Variants in KCNK12 observed in about 807,000 individuals in gnomAD.
KCNK12 encodes the protein potassium channel subfamily K member 12.
A neutral mutation model predicts 25.3 loss-of-function variants in KCNK12; 6 were observed. That is an observed-to-expected ratio of 0.24 (90% CI 0.13 to 0.47). The LOEUF is 0.47. Ranked by LOEUF, KCNK12 falls within the 20% of genes least tolerant of loss-of-function variation. The probability of loss-of-function intolerance (pLI) is 0.99; values close to 1 mark genes in which losing one functional copy is unlikely to be tolerated. For missense variants in KCNK12, 444 were observed against 661.7 expected (o/e 0.67, Z 3.61); for synonymous variants, 331 against 311.1 (o/e 1.06, Z -0.67).
In KCNK12 at chr2:47,540,800, AGCAAGCTGGGCATGGTGGCTC is replaced by A. The variant is rs770263404; in HGVS notation, c.392-19013_392-18993del. Among the ~76,000 whole-genome samples, 1 of 111,900 alleles carries A rather than the reference AGCAAGCTGGGCATGGTGGCTC, an allele frequency of 8.9e-6. No individual in the cohort carries two copies. Among genetic ancestry groups the A allele is most frequent in the Non-Finnish European group, 1.8e-5 (1 of 56,500 alleles). 73.4% of individuals were successfully genotyped at this position (111,900 alleles called of 152,430 possible). ...ACAAACAAACAAACAAACAAACAAA[AGCAAGCTGGGCATGGTGGCTC>A]ACACCTGTAGTTCCAGCTACTCAGG... On this transcript the variant is annotated intron_variant, in intron 1 of 1. Transcript: ENST00000327876. This position sits in a 1 kb window ranked among gnomAD's most constrained non-coding sequence, Gnocchi z 5.4.
Position 47,510,456 on chromosome 2 carries a change from G to A in KCNK12, c.*10451C>T, listed in dbSNP as rs1228704170. 1 of 152,158 alleles carries A rather than the reference G, an allele frequency of 6.6e-6. No homozygotes were observed. Among genetic ancestry groups the A allele is most frequent in the African/African-American group, 2.4e-5 (1 of 41,430 alleles). The allele number at this position is 152,158 out of a possible 1,614,324, so 9.4% of individuals were successfully genotyped here. A position where few individuals can be genotyped will look rare whatever the true frequency, so the allele number is the denominator to read the frequency against. ...TGGCAGTTCCACTAGACTGCATGGA[G>A]ATGGGTGGAGTTATCTAAAAGAACA... is the stretch of plus-strand genomic sequence containing the variant. On this transcript the variant is annotated 3_prime_UTR_variant, in exon 2 of 2. Transcript: ENST00000327876.
At chr2:47,537,412 C>T (rs538678377) in intron 1 of KCNK12, among the ~76,000 whole-genome samples, 55 of 151,946 alleles carry the variant, frequency 3.6e-4, no homozygotes, top group Admixed American at 2.5e-3. Flanking sequence ...CTCTCTGCAA[C>T]CTCCGCCTCC....
Position 47,553,414 on chromosome 2 carries a change from T to TG in KCNK12, c.391+16526dup, listed in dbSNP as rs1237718496. On this transcript the variant is annotated intron_variant, in intron 1 of 1. Coordinates refer to ENST00000327876, the MANE Select transcript of KCNK12 (RefSeq NM_022055.2). ...ATATAAGCTGTTTTTTTTGGTGGGG[T>TG]GGGGGGGCACCCAGGATCTCACTCT... is the stretch of plus-strand genomic sequence containing the variant. 7.9e-5 allele frequency among the ~76,000 whole-genome samples: 12 copies of TG among 151,924 alleles called. No individual in the cohort carries two copies. In the East Asian group the frequency reaches 1.2e-3, roughly 15 times the overall value.
In KCNK12 at chr2:47,521,552, C is replaced by T; in HGVS notation, c.648G>A (p.Val216=). The part of the protein sequence containing the change: ...LAGWKPSVYH[V]LLILGLFAVL... ...CGGCGAACAGGCCCAGGATGAGCAG[C>T]ACGTGGTACACCGAGGGCTTCCAGC... Residue 216 remains valine, a synonymous_variant, in exon 2 of 2, where the codon GTG becomes GTA. Coordinates refer to ENST00000327876, the MANE Select transcript of KCNK12 (RefSeq NM_022055.2). 1 of 1,560,302 alleles carries T rather than the reference C, an allele frequency of 6.4e-7. No individual in the cohort carries two copies. Among genetic ancestry groups the T allele is most frequent in the Non-Finnish European group, 8.7e-7 (1 of 1,152,252 alleles).
intron 1 of KCNK12, among the ~76,000 whole-genome samples, chr2:47,546,157 G>T (rs1176253525): frequency 6.6e-6 from 1 of 152,212 alleles, no homozygotes; most frequent in Non-Finnish European, 1.5e-5. Context: ...ATCAGGCTTG[G>T]AATCCTTTGG....
chr2:47,562,775 C>G lies in KCNK12; in HGVS notation c.391+7166G>C, dbSNP rs1373265541. 1 of 233,182 alleles carries G rather than the reference C, an allele frequency of 4.3e-6. No homozygotes were observed. Among genetic ancestry groups the G allele is most frequent in the African/African-American group, 2.2e-5 (1 of 45,336 alleles). 14.4% of individuals were successfully genotyped at this position (233,182 alleles called of 1,614,324 possible). ...CTGCAGTTTCAAGCCCCTCCACCCC[C>G]TGTTCCTCACCAACTCTCCCCGTGT... On this transcript the variant is annotated intron_variant, in intron 1 of 1. Transcript: ENST00000327876. This position sits in a 1 kb window ranked among gnomAD's most constrained non-coding sequence, Gnocchi z 4.8.
intron 1 of KCNK12, among the ~76,000 whole-genome samples, chr2:47,523,252 G>C (rs1056244229): frequency 6.6e-6 from 1 of 152,222 alleles, no homozygotes; most frequent in African/African-American, 2.4e-5. Flanking sequence ...TCTCTGAAAA[G>C]AGCTTTGTGA....
rs1248325183 is a variant in KCNK12, at chr2:47,513,932, C to T, written c.*6975G>A. ...CTGCCATCTGCTTTCCTCCTCCACTCCTGCATTCTGAGTCATTTTCGGCAG... is the reference window on the plus strand; with the variant it reads ...CTGCCATCTGCTTTCCTCCTCCACTTCTGCATTCTGAGTCATTTTCGGCAG... On this transcript the variant is annotated 3_prime_UTR_variant, in exon 2 of 2. Transcript: ENST00000327876. 6.6e-6 allele frequency among the ~76,000 whole-genome samples: 1 copy of T among 152,224 alleles called. No homozygotes were observed. The highest frequency in any genetic ancestry group is 2.4e-5 in the African/African-American group (1 of 41,450).
chr2:47,521,664 C>T lies in KCNK12; in HGVS notation c.536G>A (p.Cys179Tyr). Residue 179 changes from cysteine to tyrosine, a missense_variant, in exon 2 of 2, where the codon TGC (cysteine) becomes TAC (tyrosine). This residue lies in a region of KCNK12 where 44 missense variants were observed against 100.7 expected (regional missense o/e 0.44). Coordinates refer to ENST00000327876, the MANE Select transcript of KCNK12 (RefSeq NM_022055.2). ...GCTGCGGCGCAGCTGGCGCTCCCGG[C>T]AGGCGCGCATGATGAAGGCCAGCAG... ...ISLLAFIMRA[C>Y]RERQLRRSGL... The T allele has an allele frequency of 6.3e-7, 1 of 1,597,264 alleles. No homozygotes were observed. The highest frequency in any genetic ancestry group is 8.5e-7 in the Non-Finnish European group (1 of 1,174,052).
rs1668401593 is a variant in KCNK12 at position 47,511,497 on chromosome 2, G to C, written c.*9410C>G. Among the ~76,000 whole-genome samples, 1 of 152,222 alleles carries C rather than the reference G, an allele frequency of 6.6e-6. No individual in the cohort carries two copies. Among genetic ancestry groups the C allele is most frequent in the South Asian group, 2.1e-4 (1 of 4,828 alleles). ...CCCAGCATCTGTGGTGTCTGTGGTGGGAGGGGCTTCCATATTACAGAGAGA... is the reference window on the plus strand; with the variant it reads ...CCCAGCATCTGTGGTGTCTGTGGTGCGAGGGGCTTCCATATTACAGAGAGA... On this transcript the variant is annotated 3_prime_UTR_variant, in exon 2 of 2. Transcript: ENST00000327876. The surrounding 1 kb of genome is among the most constrained non-coding windows in gnomAD (Gnocchi z 4.3).
In KCNK12 at chr2:47,569,858, C is replaced by T. The variant is rs1669852719; in HGVS notation, c.391+83G>A. On this transcript the variant is annotated intron_variant, in intron 1 of 1. Transcript: ENST00000327876. This position sits in a 1 kb window ranked among gnomAD's most constrained non-coding sequence, Gnocchi z 4.1. ...TAGAAGGGAAGGCAGAGCCGAGGGA[C>T]GCGGACCGAGCGGCCGAGCAGTGGA... 2 of 1,149,192 alleles carry T rather than the reference C, an allele frequency of 1.7e-6. No individual in the cohort carries two copies. The highest frequency in any genetic ancestry group is 6.5e-5 in the East Asian group (2 of 30,634). 71.2% of individuals were successfully genotyped at this position (1,149,192 alleles called of 1,614,324 possible).
rs780031167 is a variant in KCNK12, at chr2:47,521,339, G to C, written c.861C>G (p.Gly287=). The change falls in exon 2 of 2, where the codon GGC becomes GGG. Residue 287 remains glycine, a synonymous_variant. Transcript: ENST00000327876. The stretch of plus-strand genomic sequence containing the variant: ...TGAAGAGCGAGTAAATGCAGCACAC[G>C]CCGAGCAGGATGAAGAGGAAGTTGC... The part of the protein sequence containing the change: ...RLGNFLFILL[G]VCCIYSLFNV... 6.2e-7 allele frequency: 1 copy of C among 1,613,648 alleles called. No individual in the cohort carries two copies.
chr2:47,530,959 G>A (rs574917823), intron 1 of KCNK12, among the ~76,000 whole-genome samples: 109 of 152,260 alleles, frequency 7.2e-4, no homozygotes, highest in Non-Finnish European at 1.5e-3. Context: ...TGATAAAGCA[G>A]CAAATGTACA....
rs1668520444 is a variant in KCNK12, at chr2:47,516,191, A to T, written c.*4716T>A. 6.6e-6 allele frequency among the ~76,000 whole-genome samples: 1 copy of T among 152,184 alleles called. No homozygotes were observed. The highest frequency in any genetic ancestry group is 2.4e-5 in the African/African-American group (1 of 41,444). On this transcript the variant is annotated 3_prime_UTR_variant, in exon 2 of 2. Coordinates refer to ENST00000327876, the MANE Select transcript of KCNK12 (RefSeq NM_022055.2). The stretch of plus-strand genomic sequence containing the variant: ...TGAGTGTTCTGTGTTTACAGGGTGT[A>T]TTCAAGTCCATGACTGCCCATTAGA...
At chr2:47,522,730 AAGTGGGT>A (rs1371965643) in intron 1 of KCNK12, among the ~76,000 whole-genome samples, 13 of 152,248 alleles carry the variant, frequency 8.5e-5, no homozygotes, top group African/African-American at 3.1e-4. Context: ...GCCTAAGGCC[AAGTGGGT>A]AGTCCGTCAC....
Position 47,570,616 on chromosome 2 carries a change from T to G in KCNK12, c.-285A>C. 3 of 211,066 alleles carry G rather than the reference T, an allele frequency of 1.4e-5. No homozygotes were observed. The highest frequency in any genetic ancestry group is 2.8e-5 in the Non-Finnish European group (3 of 106,992). The allele number at this position is 211,066 out of a possible 1,614,324, so 13.1% of individuals were successfully genotyped here. On this transcript the variant is annotated 5_prime_UTR_variant, in exon 1 of 2. Coordinates refer to ENST00000327876, the MANE Select transcript of KCNK12 (RefSeq NM_022055.2). ...ACGCCTCGCCGGCTCCCGCGGCTCC[T>G]TACCCGCCGCTCTCGGGCGCGGGGC...
Position 47,570,389 on chromosome 2 carries a change from C to A in KCNK12, c.-58G>T. On this transcript the variant is annotated 5_prime_UTR_variant, in exon 1 of 2. Transcript: ENST00000327876. The stretch of plus-strand genomic sequence containing the variant: ...GCTCGGGGCCCGGGCCACGACATCC[C>A]CCCGGCGGGAGCAGGAGCGTGAGGA... 8.3e-7 allele frequency: 1 copy of A among 1,211,972 alleles called. No individual in the cohort carries two copies. The highest frequency in any genetic ancestry group is 1.0e-6 in the Non-Finnish European group (1 of 976,396). The allele number at this position is 1,211,972 out of a possible 1,614,324, so 75.1% of individuals were successfully genotyped here.
chr2:47,516,049 A>C lies in KCNK12; in HGVS notation c.*4858T>G, dbSNP rs187937511. On this transcript the variant is annotated 3_prime_UTR_variant, in exon 2 of 2. Transcript: ENST00000327876. ...TGGGAGGTGGGGGGATGGTATCATC[A>C]TCCCACTTTAGAGATGAGGAAACAG... Among the ~76,000 whole-genome samples the C allele has an allele frequency of 1.3e-5, 2 of 152,296 alleles. No individual in the cohort carries two copies. Among genetic ancestry groups the C allele is most frequent in the East Asian group, 3.9e-4 (2 of 5,182 alleles).
At chr2:47,542,363 C>A (rs950695033) in intron 1 of KCNK12, among the ~76,000 whole-genome samples, 5 of 152,244 alleles carry the variant, frequency 3.3e-5, no homozygotes, top group Admixed American at 1.3e-4. Flanking sequence ...AAGTCACAGT[C>A]CTAGTCTGAG....
Sources: allele counts gnomAD v4.1 joint callset (sites outside exome capture counted in the v4.1 genomes callset), GRCh38; gene constraint gnomAD v4.1.1; regional missense constraint gnomAD v4.1.1; non-coding constraint Gnocchi (gnomAD v3.1); transcripts MANE v1.5; gene names NCBI Gene and HGNC (gene_info 2026-07-23, HGNC 2026-07-21).